Variants in CDH13 observed in about 807,000 individuals in gnomAD.
CDH13 encodes the protein cadherin-13.
A neutral mutation model predicts 63.8 loss-of-function variants in CDH13; 24 were observed. The observed-to-expected ratio is 0.38, with a 90% CI of 0.27 to 0.53. CDH13 has a LOEUF of 0.53. CDH13 is among the 20% of genes least tolerant of loss of function. The probability of loss-of-function intolerance (pLI) is 0.85; values close to 1 mark genes in which losing one functional copy is unlikely to be tolerated. For synonymous variants in CDH13, 503 were observed against 355.3 expected (o/e 1.42, Z -4.67); for missense variants, 1,049 against 903.1 (o/e 1.16, Z -2.07).
intron 8 of CDH13, among the ~76,000 whole-genome samples, chr16:83,626,828 T>C (rs915989040): frequency 9.2e-5 from 14 of 152,176 alleles, no homozygotes; most frequent in African/African-American, 3.4e-4. Flanking sequence ...ACAGACTCCC[T>C]GTACCCGCTC....
chr16:82,769,951 G>T (rs778201222), intron 1 of CDH13, among the ~76,000 whole-genome samples: 5 of 152,232 alleles, frequency 3.3e-5, no homozygotes, highest in African/African-American at 4.8e-5. Flanking sequence ...CACAGACAAA[G>T]ATAACTGAAT....
intron 2 of CDH13, among the ~76,000 whole-genome samples, chr16:82,927,119 C>T (rs538934270): frequency 1.5e-4 from 23 of 152,252 alleles, no homozygotes; most frequent in African/African-American, 5.3e-4. Flanking sequence ...CACATGGCCT[C>T]TCCACGTGGC....
At chr16:82,917,516 G>T (rs901949955) in intron 2 of CDH13, among the ~76,000 whole-genome samples, 1 of 152,080 alleles carries the variant, frequency 6.6e-6, no homozygotes, top group Non-Finnish European at 1.5e-5. Context: ...AAATGAGGGG[G>T]ATTCAGTGAG....
chr16:83,089,619 A>C (rs993951406), intron 3 of CDH13, among the ~76,000 whole-genome samples: 1 of 152,214 alleles, frequency 6.6e-6, no homozygotes, highest in African/African-American at 2.4e-5. Context: ...AGTTTAGTGG[A>C]AGATTGCCTT....
chr16:83,002,620 C>G (rs1343186966), intron 2 of CDH13, among the ~76,000 whole-genome samples: 2 of 152,118 alleles, frequency 1.3e-5, no homozygotes, highest in Non-Finnish European at 2.9e-5. Flanking sequence ...AAAATGTATT[C>G]AATGTTGGGT....
At chr16:82,677,223 T>A (rs1914030409) in intron 1 of CDH13, among the ~76,000 whole-genome samples, 1 of 152,192 alleles carries the variant, frequency 6.6e-6, no homozygotes, top group South Asian at 2.1e-4. Flanking sequence ...CGGAGAAAGG[T>A]AATGCAGACT....
At chr16:83,697,514 A>G (rs914314020) in intron 10 of CDH13, among the ~76,000 whole-genome samples, 6 of 152,236 alleles carry the variant, frequency 3.9e-5, no homozygotes, top group African/African-American at 9.7e-5. Context: ...CCGTGAGTGC[A>G]ATGTTAGTGA....
At chr16:83,591,816 A>G (rs899870909) in intron 7 of CDH13, among the ~76,000 whole-genome samples, 5 of 152,212 alleles carry the variant, frequency 3.3e-5, no homozygotes, top group Non-Finnish European at 5.9e-5. Context: ...GAAGGTCGAG[A>G]GCGTACTTTT....
intron 2 of CDH13, among the ~76,000 whole-genome samples, chr16:82,955,037 A>G (rs1034432683): frequency 1.3e-5 from 2 of 152,196 alleles, no homozygotes; most frequent in African/African-American, 4.8e-5. Context: ...TTATTGCTCA[A>G]TGAACATTTT....
chr16:83,317,437 G>A (rs2090131097), intron 5 of CDH13, among the ~76,000 whole-genome samples: 1 of 152,096 alleles, frequency 6.6e-6, no homozygotes, highest in African/African-American at 2.4e-5. Flanking sequence ...GCAAATCATA[G>A]GGCCACATCT....
intron 1 of CDH13, among the ~76,000 whole-genome samples, chr16:82,810,960 G>GTGCCCTGGACCCT (rs2037411153): frequency 6.6e-6 from 1 of 152,118 alleles, no homozygotes; most frequent in African/African-American, 2.4e-5. Flanking sequence ...GCTGCTTCGT[G>GTGCCCTGGACCCT]TGCCCTGGAC....
chr16:83,614,866 C>T (rs1054740175), intron 8 of CDH13, among the ~76,000 whole-genome samples: 4 of 152,114 alleles, frequency 2.6e-5, no homozygotes, highest in African/African-American at 9.7e-5. Flanking sequence ...CATCTCATAC[C>T]ATTTGCTTCA....
intron 8 of CDH13, among the ~76,000 whole-genome samples, chr16:83,619,827 T>G (rs1378360262): frequency 1.3e-5 from 2 of 152,230 alleles, no homozygotes; most frequent in Non-Finnish European, 2.9e-5. Context: ...GGTTCAGATT[T>G]CAGTGTATCC....
chr16:83,373,151 A>G (rs2091402710), intron 6 of CDH13, among the ~76,000 whole-genome samples: 2 of 152,212 alleles, frequency 1.3e-5, no homozygotes, highest in African/African-American at 4.8e-5. Context: ...TTTAAACTAT[A>G]TTGAAAACGT....
intron 2 of CDH13, among the ~76,000 whole-genome samples, chr16:83,017,204 C>G (rs1914893056): frequency 1.3e-5 from 2 of 152,174 alleles, no homozygotes; most frequent in Non-Finnish European, 2.9e-5. Context: ...CCTTGACCCT[C>G]TTCAGAGCTT....
chr16:83,397,238 G>A (rs1238602405), intron 6 of CDH13: 1 of 152,084 alleles, frequency 6.6e-6, no homozygotes, highest in Non-Finnish European at 1.5e-5. Context: ...TGATTATGAG[G>A]GGATACACCC....
Position 83,085,126 on chromosome 16 carries a change from G to A in CDH13, c.367-40259G>A, listed in dbSNP as rs2033501349. ...TAGCTGAGACTGGGAAGAAAAAGAG[G>A]TTTAATTGGACTTACAGTTCCACAT... On this transcript the variant is annotated intron_variant, in intron 3 of 13. Transcript: ENST00000567109. 2.0e-5 allele frequency among the ~76,000 whole-genome samples: 3 copies of A among 151,842 alleles called. No individual in the cohort carries two copies. In the South Asian group the frequency reaches 6.3e-4, roughly 32 times the overall value.
chr16:83,524,233 C>A (rs142035648), intron 7 of CDH13, among the ~76,000 whole-genome samples: 1 of 152,122 alleles, frequency 6.6e-6, no homozygotes, highest in African/African-American at 2.4e-5. Context: ...AAGAATAAAT[C>A]AGCATGCAGT....
At chr16:82,976,264 C>G (rs1043846079) in intron 2 of CDH13, among the ~76,000 whole-genome samples, 1 of 152,184 alleles carries the variant, frequency 6.6e-6, no homozygotes, top group Non-Finnish European at 1.5e-5. Flanking sequence ...CAAACACCAG[C>G]TCCACTTCCT....
Sources: gnomAD v4.1 joint callset for allele counts (sites outside exome capture counted in the v4.1 genomes callset) on GRCh38, gnomAD v4.1.1 for gene constraint, MANE v1.5 for transcripts, NCBI Gene and HGNC (gene_info 2026-07-23, HGNC 2026-07-21) for gene names.